Variants in CACNB2 observed in about 807,000 individuals in gnomAD.
CACNB2 encodes the protein voltage-dependent L-type calcium channel subunit beta-2.
Under a neutral mutation model 73.3 loss-of-function variants are expected in CACNB2, and 42 were observed. The ratio of observed to expected loss-of-function variants is 0.57; its 90% CI spans 0.45 to 0.74. The LOEUF is 0.74. Ranked by LOEUF, CACNB2 falls within the 30% of genes least tolerant of loss-of-function variation. The pLI, the probability that CACNB2 is intolerant of heterozygous loss-of-function variation, is 0.00. For missense variants in CACNB2, 940 were observed against 853.0 expected (o/e 1.10, Z -1.27); for synonymous variants, 348 against 310.3 (o/e 1.12, Z -1.28).
intron 2 of CACNB2, among the ~76,000 whole-genome samples, chr10:18,327,429 T>C (rs2040628856): frequency 6.6e-6 from 1 of 152,122 alleles, no homozygotes; most frequent in African/African-American, 2.4e-5. Flanking sequence ...TGTTTGTTTG[T>C]TTTTATTTGT....
intron 3 of CACNB2, among the ~76,000 whole-genome samples, chr10:18,442,930 A>ATATATATATATGTGTATATATATATATG (rs61449706): frequency 6.5e-5 from 3 of 45,810 alleles, no homozygotes; most frequent in South Asian, 1.6e-3. Context: ...ATATATGTAT[A>ATATATATATATGTGTATATATATATATG]TATATATATA....
At chr10:18,454,536 GC>G (rs2047176290) in intron 3 of CACNB2, among the ~76,000 whole-genome samples, 1 of 152,164 alleles carries the variant, frequency 6.6e-6, no homozygotes. Context: ...ACAAACGTTT[GC>G]CCCCTTGGGG....
At chr10:18,506,116 T>G (rs1157210453) in intron 5 of CACNB2, among the ~76,000 whole-genome samples, 1 of 152,206 alleles carries the variant, frequency 6.6e-6, no homozygotes, top group Non-Finnish European at 1.5e-5. Context: ...GGTGTTAGCC[T>G]TAAGGTTCTG....
chr10:18,415,184 G>A (rs2044874105), intron 3 of CACNB2, among the ~76,000 whole-genome samples: 1 of 152,184 alleles, frequency 6.6e-6, no homozygotes, highest in African/African-American at 2.4e-5. Context: ...AGCACTGTAG[G>A]CTTGGCATGG....
intron 2 of CACNB2, among the ~76,000 whole-genome samples, chr10:18,391,461 T>G (rs2043464942): frequency 6.6e-6 from 1 of 152,172 alleles, no homozygotes; most frequent in African/African-American, 2.4e-5. Flanking sequence ...CCTTATTCAT[T>G]CATTCCACAA....
intron 6 of CACNB2, among the ~76,000 whole-genome samples, chr10:18,509,801 T>C (rs891116631): frequency 2.0e-5 from 3 of 151,418 alleles, no homozygotes; most frequent in African/African-American, 4.8e-5. Flanking sequence ...AATAAATAAA[T>C]AAACAAACAA....
intron 2 of CACNB2, among the ~76,000 whole-genome samples, chr10:18,235,862 G>C (rs1304206951): frequency 6.6e-6 from 1 of 152,158 alleles, no homozygotes; most frequent in Non-Finnish European, 1.5e-5. Context: ...GGAGGGGGCT[G>C]GTGGGATGGG....
chr10:18,333,678 C>T (rs945033730), intron 2 of CACNB2, among the ~76,000 whole-genome samples: 7 of 152,140 alleles, frequency 4.6e-5, no homozygotes, highest in African/African-American at 7.2e-5. Context: ...CTGGCTAACA[C>T]GTACCATAAT....
intron 3 of CACNB2, among the ~76,000 whole-genome samples, chr10:18,407,704 C>T (rs1343776323): frequency 6.6e-6 from 1 of 152,112 alleles, no homozygotes; most frequent in African/African-American, 2.4e-5. Flanking sequence ...TCATTTTTCT[C>T]ACTTTTTCTC....
At chr10:18,443,014 GTA>G (rs71402168) in intron 3 of CACNB2, among the ~76,000 whole-genome samples, 517 of 16,478 alleles carry the variant, frequency 0.031, 67 homozygotes, top group Middle Eastern at 0.12. Flanking sequence ...ATATATATAT[GTA>G]TATATATATA....
At chr10:18,372,499 C>T (rs1047596025) in intron 2 of CACNB2, among the ~76,000 whole-genome samples, 2 of 152,096 alleles carry the variant, frequency 1.3e-5, no homozygotes, top group African/African-American at 4.8e-5. Context: ...CTCTGCCTCC[C>T]AGGTTCAAGT....
chr10:18,197,786 C>T (rs1438144986), intron 2 of CACNB2, among the ~76,000 whole-genome samples: 3 of 151,942 alleles, frequency 2.0e-5, no homozygotes, highest in Non-Finnish European at 4.4e-5. Context: ...GTCAGATCAA[C>T]GTCTCCTGGG....
At chr10:18,512,468 T>C (rs1347432718) in intron 6 of CACNB2, among the ~76,000 whole-genome samples, 1 of 152,210 alleles carries the variant, frequency 6.6e-6, no homozygotes, top group African/African-American at 2.4e-5. Context: ...TCTCTCTTTT[T>C]CTCAAATGTC....
At chr10:18,410,231 A>C (rs116370203) in intron 3 of CACNB2, among the ~76,000 whole-genome samples, 10 of 152,052 alleles carry the variant, frequency 6.6e-5, no homozygotes, top group Non-Finnish European at 1.0e-4. Flanking sequence ...TCTATATTCT[A>C]TGTTTCCACA....
At chr10:18,513,569 T>G in intron 6 of CACNB2, 3 of 387,822 alleles carry the variant, frequency 7.7e-6, no homozygotes, top group South Asian at 6.2e-5. Context: ...ATTGTTGATA[T>G]TGCAAGTTGT....
At chr10:18,405,846 T>A (rs2044258084) in intron 3 of CACNB2, among the ~76,000 whole-genome samples, 1 of 152,098 alleles carries the variant, frequency 6.6e-6, no homozygotes, top group African/African-American at 2.4e-5. Context: ...TAATCCCAGC[T>A]ACTTGGGAGG....
intron 6 of CACNB2, among the ~76,000 whole-genome samples, chr10:18,512,901 G>A (rs2050900799): frequency 1.3e-5 from 2 of 152,110 alleles, no homozygotes; most frequent in South Asian, 4.2e-4. Flanking sequence ...TTGAAGCGCC[G>A]GTTGTGTGAT....
At chr10:18,191,902 G>T (rs535551787) in intron 2 of CACNB2, among the ~76,000 whole-genome samples, 1 of 152,208 alleles carries the variant, frequency 6.6e-6, no homozygotes, top group African/African-American at 2.4e-5. Context: ...ATAAACATGC[G>T]TGTGCAAGTG....
chr10:18,222,208 C>T (rs986374961), intron 2 of CACNB2, among the ~76,000 whole-genome samples: 10 of 152,294 alleles, frequency 6.6e-5, no homozygotes, highest in African/African-American at 2.2e-4. Flanking sequence ...TAAATGACCA[C>T]ATGCCGAGGC....
Sources: allele counts gnomAD v4.1 joint callset (sites outside exome capture counted in the v4.1 genomes callset), GRCh38; gene constraint gnomAD v4.1.1; transcripts MANE v1.5; gene names NCBI Gene and HGNC (gene_info 2026-07-23, HGNC 2026-07-21).